Variants in KLF4 observed in about 807,000 individuals in gnomAD.
The protein encoded by KLF4 is KLF transcription factor 4.
Under a neutral mutation model 38.0 loss-of-function variants are expected in KLF4, and 14 were observed. The observed-to-expected ratio is 0.37, with a 90% CI of 0.24 to 0.58. The LOEUF (loss-of-function observed/expected upper bound fraction) is 0.58, where lower values mean the gene tolerates loss of function less well. KLF4 is among the 20% of genes least tolerant of loss of function. The probability of loss-of-function intolerance (pLI) is 0.76; values close to 1 mark genes in which losing one functional copy is unlikely to be tolerated. For synonymous variants in KLF4, 398 were observed against 302.5 expected (o/e 1.32, Z -3.28); for missense variants, 737 against 670.1 (o/e 1.10, Z -1.10).
At position 107,488,296 on chromosome 9, in the gene KLF4, C is replaced by T. The variant is rs183792530; in HGVS notation, c.127-29G>A. ...CGGGGACAGGGCGGGAGAGACCTGTCAGTGGTGGTCCCCTGTTGCCACCCG... is the reference window on the plus strand; with the variant it reads ...CGGGGACAGGGCGGGAGAGACCTGTTAGTGGTGGTCCCCTGTTGCCACCCG... On this transcript the variant is annotated intron_variant, in intron 2 of 4. Transcript: ENST00000374672. This position sits in a 1 kb window ranked among gnomAD's most constrained non-coding sequence, Gnocchi z 5.7. 2.6e-3 allele frequency: 4,018 copies of T among 1,547,204 alleles called. 32 individuals are homozygous for T. The highest frequency in any genetic ancestry group is 0.013 in the Middle Eastern group (56 of 4,354).
In KLF4 at chr9:107,487,788, C is replaced by G; in HGVS notation, c.606G>C (p.Glu202Asp). ...DVSPSGGFVA[E>D]LLRPELDPVY... ...CCGGGTCCAATTCTGGCCGCAGGAG[C>G]TCGGCCACGAAGCCGCCCGAGGGGC... The change falls in exon 3 of 5, where the codon GAG (glutamate) becomes GAC (aspartate). Residue 202 changes from glutamate (E) to aspartate (D), a missense_variant. Coordinates refer to ENST00000374672, the MANE Select transcript of KLF4 (RefSeq NM_004235.6). This position sits in a 1 kb window ranked among gnomAD's most constrained non-coding sequence, Gnocchi z 6.1. 2 of 1,542,958 alleles carry G rather than the reference C, an allele frequency of 1.3e-6. No individual in the cohort carries two copies. The highest frequency in any genetic ancestry group is 1.8e-6 in the Non-Finnish European group (2 of 1,142,414).
chr9:107,486,700 T>C lies in KLF4; in HGVS notation c.1264+328A>G, dbSNP rs550136622. On this transcript the variant is annotated intron_variant, in intron 4 of 4. Coordinates refer to ENST00000374672, the MANE Select transcript of KLF4 (RefSeq NM_004235.6). ...GCAAAGTATAATTTCTTGATTATAA[T>C]GCCAAGCTAGGAGAGGCCCACAGAC... Among the ~76,000 whole-genome samples the C allele has an allele frequency of 3.9e-5, 6 of 152,244 alleles. No individual in the cohort carries two copies. The East Asian group carries it at 1.2e-3, about 29-fold the overall frequency.
Position 107,487,783 on chromosome 9 carries a change from A to C in KLF4, c.611T>G (p.Leu204Arg). The change falls in exon 3 of 5, where the codon CTG (leucine) becomes CGG (arginine). Residue 204 changes from leucine to arginine, a missense_variant. This residue lies in a region of KLF4 where 695 missense variants were observed against 554.5 expected (regional missense o/e 1.25). Coordinates refer to ENST00000374672, the MANE Select transcript of KLF4 (RefSeq NM_004235.6). This position sits in a 1 kb window ranked among gnomAD's most constrained non-coding sequence, Gnocchi z 6.1. ...GTACACCGGGTCCAATTCTGGCCGC[A>C]GGAGCTCGGCCACGAAGCCGCCCGA... ...SPSGGFVAEL[L>R]RPELDPVYIP... 6.5e-7 allele frequency: 1 copy of C among 1,545,776 alleles called. No individual in the cohort carries two copies. The highest frequency in any genetic ancestry group is 8.7e-7 in the Non-Finnish European group (1 of 1,143,882).
Position 107,489,212 on chromosome 9 carries a change from G to A in KLF4, c.-40C>T. The A allele has an allele frequency of 6.8e-7, 1 of 1,460,152 alleles. No individual in the cohort carries two copies. 90.4% of individuals were successfully genotyped at this position (1,460,152 alleles called of 1,614,324 possible). A position where few individuals can be genotyped will look rare whatever the true frequency, so the allele number is the denominator to read the frequency against. On this transcript the variant is annotated 5_prime_UTR_variant, in exon 1 of 5. Transcript: ENST00000374672. Reference sequence around the variant, plus strand: ...AGAAGGTCCTCGGCAGCCCGAAGCAGCTGGGGCACCTGAACCCCAAAGTCA... The same window carrying A: ...AGAAGGTCCTCGGCAGCCCGAAGCAACTGGGGCACCTGAACCCCAAAGTCA...
Position 107,485,678 on chromosome 9 carries a change from G to A in KLF4, c.*73C>T, listed in dbSNP as rs574605452. ...TTCTGGCTGGGCTCCTTCCCTCATC[G>A]GGAAGACAGTGTGAAAAGTAAAAAA... On this transcript the variant is annotated 3_prime_UTR_variant, in exon 5 of 5. Transcript: ENST00000374672. This position sits in a 1 kb window ranked among gnomAD's most constrained non-coding sequence, Gnocchi z 4.9. The A allele has an allele frequency of 2.3e-5, 33 of 1,412,056 alleles. No individual in the cohort carries two copies. The Admixed American group carries it at 3.0e-4, about 13-fold the overall frequency. The allele number at this position is 1,412,056 out of a possible 1,614,324, so 87.5% of individuals were successfully genotyped here.
rs992677425 is a variant in KLF4 at position 107,489,078 on chromosome 9, G to A, written c.6-28C>T. On this transcript the variant is annotated intron_variant, in intron 1 of 4. Coordinates refer to ENST00000374672, the MANE Select transcript of KLF4 (RefSeq NM_004235.6). Reference sequence around the variant, plus strand: ...GCGAGCAAGGCAGGGAGCGGAGACAGGAGAGTCAGGGGCGGCTTTCGGCCG... The same window carrying A: ...GCGAGCAAGGCAGGGAGCGGAGACAAGAGAGTCAGGGGCGGCTTTCGGCCG... 3.2e-6 allele frequency: 5 copies of A among 1,552,220 alleles called. No homozygotes were observed. The Admixed American group carries it at 7.8e-5, about 24-fold the overall frequency.
In KLF4 at chr9:107,489,266, A is replaced by AAAACCCC; in HGVS notation, c.-101_-95dup. 2.9e-6 allele frequency: 4 copies of AAAACCCC among 1,401,224 alleles called. No individual in the cohort carries two copies. The highest frequency in any genetic ancestry group is 3.7e-6 in the Non-Finnish European group (4 of 1,069,274). 86.8% of individuals were successfully genotyped at this position (1,401,224 alleles called of 1,614,324 possible). On this transcript the variant is annotated 5_prime_UTR_variant, in exon 1 of 5. Coordinates refer to ENST00000374672, the MANE Select transcript of KLF4 (RefSeq NM_004235.6). ...AAGAGAAGAAACGAAGCCAAAACCC[A>AAAACCCC]AAACCCCAAATTGGCCGAGATCCTT...
chr9:107,488,231 G>T lies in KLF4; in HGVS notation c.163C>A (p.Pro55Thr), dbSNP rs772132221. 10 of 1,610,396 alleles carry T rather than the reference G, an allele frequency of 6.2e-6. No individual in the cohort carries two copies. Among genetic ancestry groups the T allele is most frequent in the African/African-American group, 1.3e-5 (1 of 74,878 alleles). The change falls in exon 3 of 5, where the codon CCC (proline) becomes ACC (threonine). Residue 55 changes from proline to threonine, a missense_variant. Transcript: ENST00000374672. The surrounding 1 kb of genome is among the most constrained non-coding windows in gnomAD (Gnocchi z 5.7). ...TAGGGGCGGCCGGGAAGCACTGGGG[G>T]AAGTCGCTTCATGTGGGAGAGCTCC... ...REELSHMKRL[P>T]PVLPGRPYDL...
rs1245530842 is a variant in KLF4, at chr9:107,488,989, A to C, written c.67T>G (p.Phe23Val). 19 of 1,568,824 alleles carry C rather than the reference A, an allele frequency of 1.2e-5. No homozygotes were observed. The highest frequency in any genetic ancestry group is 1.6e-5 in the Non-Finnish European group (19 of 1,156,506). The change falls in exon 2 of 5, where the codon TTC (phenylalanine) becomes GTC (valine). Residue 23 changes from phenylalanine to valine, a missense_variant. Physicochemically the swap from Phe to Val is conservative, Grantham distance 50. Around this residue, in one of 2 missense-constraint regions of KLF4, gnomAD observed 695 missense variants for 554.5 expected, o/e 1.25. Coordinates refer to ENST00000374672, the MANE Select transcript of KLF4 (RefSeq NM_004235.6). This position sits in a 1 kb window ranked among gnomAD's most constrained non-coding sequence, Gnocchi z 5.7. ...TCCCTTCCCGCCGGGCCAGACGCGA[A>C]CGTGGAGAAAGATGGGAGCAGCGCG... The part of the protein sequence containing the change: ...SDALLPSFST[F>V]ASGPAGREKT...
At chr9:107,486,608 G>A (rs541613323) in intron 4 of KLF4, among the ~76,000 whole-genome samples, 3 of 152,098 alleles carry the variant, frequency 2.0e-5, no homozygotes, top group African/African-American at 7.2e-5. Context: ...AACAAAAAGG[G>A]AGGGTGAACC....
At position 107,487,310 on chromosome 9, in the gene KLF4, G is replaced by A. The variant is rs756167701; in HGVS notation, c.1084C>T (p.Pro362Ser). 5 of 1,572,920 alleles carry A rather than the reference G, an allele frequency of 3.2e-6. No homozygotes were observed. Among genetic ancestry groups the A allele is most frequent in the East Asian group, 4.5e-5 (2 of 44,484 alleles). ...LPDQMQPQVP[P>S]LHYQELMPPG... ...CGGGACTGACCTTGGTAATGGAGCG[G>A]CGGGACTTGCGGCTGCATCTGATCG... is the stretch of plus-strand genomic sequence containing the variant. Residue 362 changes from proline (P) to serine (S), a missense_variant, in exon 3 of 5, where the codon CCG becomes TCG. Pro to Ser is a moderately conservative substitution (Grantham distance 74, BLOSUM62 -1). This residue lies in a region of KLF4 where 695 missense variants were observed against 554.5 expected (regional missense o/e 1.25). Transcript: ENST00000374672. This position sits in a 1 kb window ranked among gnomAD's most constrained non-coding sequence, Gnocchi z 6.1.
chr9:107,487,902 C>A lies in KLF4; in HGVS notation c.492G>T (p.Pro164=), dbSNP rs1446909151. The A allele has an allele frequency of 1.3e-6, 2 of 1,563,054 alleles. No homozygotes were observed. Among genetic ancestry groups the A allele is most frequent in the African/African-American group, 2.7e-5 (2 of 73,826 alleles). The change falls in exon 3 of 5, where the codon CCG becomes CCT. Residue 164 remains proline (P), a synonymous_variant. Transcript: ENST00000374672. This position sits in a 1 kb window ranked among gnomAD's most constrained non-coding sequence, Gnocchi z 6.1. ...IRAGNDPGVA[P]GGTGGGLLYG... ...AGAGGAGGCCTCCGCCCGTGCCGCC[C>A]GGCGCCACGCCCGGGTCGTTCCCGG...
rs1829127481 is a variant in KLF4 at position 107,488,391 on chromosome 9, C to A, written c.127-124G>T. ...ACATGGGGACTGGTCAGGCAGGAAGCACCCGGGAACCCAGGGCGCCAGCGC... is the reference window on the plus strand; with the variant it reads ...ACATGGGGACTGGTCAGGCAGGAAGAACCCGGGAACCCAGGGCGCCAGCGC... On this transcript the variant is annotated intron_variant, in intron 2 of 4. Coordinates refer to ENST00000374672, the MANE Select transcript of KLF4 (RefSeq NM_004235.6). The surrounding 1 kb of genome is among the most constrained non-coding windows in gnomAD (Gnocchi z 5.7). 15 of 1,426,624 alleles carry A rather than the reference C, an allele frequency of 1.1e-5. No individual in the cohort carries two copies. Among genetic ancestry groups the A allele is most frequent in the Non-Finnish European group, 1.3e-5 (14 of 1,092,564 alleles). 88.4% of individuals were successfully genotyped at this position (1,426,624 alleles called of 1,614,324 possible).
Position 107,486,020 on chromosome 9 carries a change from G to A in KLF4, c.1265-94C>T, listed in dbSNP as rs1033407690. On this transcript the variant is annotated intron_variant, in intron 4 of 4. Transcript: ENST00000374672. ...GAAGGCCAGATAGTAAACCAACTCT[G>A]ACCCTATCCTAAAGAAATCCAGGAA... is the stretch of plus-strand genomic sequence containing the variant. 6 of 1,080,880 alleles carry A rather than the reference G, an allele frequency of 5.6e-6. No individual in the cohort carries two copies. The African/African-American group carries it at 8.1e-5, about 15-fold the overall frequency. 67.0% of individuals were successfully genotyped at this position (1,080,880 alleles called of 1,614,324 possible). A position where few individuals can be genotyped will look rare whatever the true frequency, so the allele number is the denominator to read the frequency against.
chr9:107,487,700 T>C lies in KLF4; in HGVS notation c.694A>G (p.Lys232Glu). Residue 232 changes from lysine to glutamate, a missense_variant, in exon 3 of 5, where the codon AAG becomes GAG. Lys to Glu is a moderately conservative substitution (Grantham distance 56). Around this residue, in one of 2 missense-constraint regions of KLF4, gnomAD observed 695 missense variants for 554.5 expected, o/e 1.25. Transcript: ENST00000374672. This position sits in a 1 kb window ranked among gnomAD's most constrained non-coding sequence, Gnocchi z 6.1. ...GGGLMGKFVL[K>E]ASLSAPGSEY... ...CTGCCAGGGGCGCTCAGCGACGCCT[T>C]CAGCACGAACTTGCCCATCAGCCCG... 1 of 1,605,316 alleles carries C rather than the reference T, an allele frequency of 6.2e-7. No homozygotes were observed. The highest frequency in any genetic ancestry group is 8.5e-7 in the Non-Finnish European group (1 of 1,177,686).
Position 107,489,275 on chromosome 9 carries a change from A to AAT in KLF4, c.-105_-104dup, listed in dbSNP as rs2133190917. On this transcript the variant is annotated 5_prime_UTR_variant, in exon 1 of 5. Coordinates refer to ENST00000374672, the MANE Select transcript of KLF4 (RefSeq NM_004235.6). ...AACGAAGCCAAAACCCAAAACCCCAAATTGGCCGAGATCCTTCTTCTTTGG... is the reference window on the plus strand; with the variant it reads ...AACGAAGCCAAAACCCAAAACCCCAAATATTGGCCGAGATCCTTCTTCTTTGG... 7.3e-7 allele frequency: 1 copy of AAT among 1,364,672 alleles called. No homozygotes were observed. Among genetic ancestry groups the AAT allele is most frequent in the South Asian group, 1.6e-5 (1 of 61,522 alleles). 84.5% of individuals were successfully genotyped at this position (1,364,672 alleles called of 1,614,324 possible).
At position 107,487,134 on chromosome 9, in the gene KLF4, T is replaced by C. The variant is rs45596731; in HGVS notation, c.1158A>G (p.Arg386=). The change falls in exon 4 of 5, where the codon CGA becomes CGG. Residue 386 remains arginine, a synonymous_variant. Transcript: ENST00000374672. This position sits in a 1 kb window ranked among gnomAD's most constrained non-coding sequence, Gnocchi z 6.1. The part of the protein sequence containing the change: ...PEEPKPKRGR[R]SWPRKRTATH... ...TGGCGGTCCTTTTCCGGGGCCACGA[T>C]CGTCTTCCCCTCTTTGGCTTGGGCT... 7.8e-4 allele frequency: 1,260 copies of C among 1,614,144 alleles called. 9 individuals carry two copies. The African/African-American group carries it at 0.013, about 17-fold the overall frequency.
In KLF4 at chr9:107,488,992, T is replaced by C; in HGVS notation, c.64A>G (p.Thr22Ala). The C allele has an allele frequency of 1.3e-6, 2 of 1,567,882 alleles. No individual in the cohort carries two copies. The highest frequency in any genetic ancestry group is 1.7e-6 in the Non-Finnish European group (2 of 1,155,930). Residue 22 changes from threonine (T) to alanine (A), a missense_variant, in exon 2 of 5, where the codon ACG becomes GCG. Thr to Ala is a moderately conservative substitution (Grantham distance 58, BLOSUM62 0). Coordinates refer to ENST00000374672, the MANE Select transcript of KLF4 (RefSeq NM_004235.6). The surrounding 1 kb of genome is among the most constrained non-coding windows in gnomAD (Gnocchi z 5.7). Reference sequence around the variant, plus strand: ...CTTCCCGCCGGGCCAGACGCGAACGTGGAGAAAGATGGGAGCAGCGCGTCG... The same window carrying C: ...CTTCCCGCCGGGCCAGACGCGAACGCGGAGAAAGATGGGAGCAGCGCGTCG... ...VSDALLPSFSTFASGPAGREK... is the reference protein window; with the variant it reads ...VSDALLPSFSAFASGPAGREK...
At chr9:107,486,044 A>G in intron 4 of KLF4, 118 bp from the exon 5 acceptor site, 1 of 838,998 alleles carries the variant, frequency 1.2e-6, no homozygotes, top group Non-Finnish European at 1.8e-6. Context: ...GAAATCCAGG[A>G]ATGTCTTTAT....
Sources: gnomAD v4.1 joint callset for allele counts (sites outside exome capture counted in the v4.1 genomes callset) on GRCh38, gnomAD v4.1.1 for gene constraint, gnomAD v4.1.1 regional missense constraint, Gnocchi (gnomAD v3.1) non-coding constraint, MANE v1.5 for transcripts, NCBI Gene and HGNC (gene_info 2026-07-23, HGNC 2026-07-21) for gene names.